CNTNAP2: variants seen among roughly 807,000 people sequenced by gnomAD.
CNTNAP2 encodes the protein contactin associated protein 2, also known as contactin-associated protein-like 2.
In CNTNAP2, 98 loss-of-function variants were observed where a neutral mutation model predicts 155.2. The observed-to-expected ratio is 0.63, with a 90% CI of 0.54 to 0.75. The LOEUF is 0.75. Among genes scored for constraint, CNTNAP2 ranks in the 30% least tolerant of loss-of-function variants. CNTNAP2 has a pLI of 0.00. For synonymous variants in CNTNAP2, 651 were observed against 631.2 expected, an observed-to-expected ratio of 1.03 and a Z score of -0.47; for missense variants, 1,727 against 1,688.1, an observed-to-expected ratio of 1.02 and a Z score of -0.40.
intron 1 of CNTNAP2, among the ~76,000 whole-genome samples, chr7:146,535,990 A>G (rs1001937665): frequency 1.3e-5 from 2 of 152,140 alleles, no homozygotes; most frequent in Non-Finnish European, 2.9e-5. Flanking sequence ...AATTTTCTTC[A>G]TCAGGAACTT....
intron 7 of CNTNAP2, 49 bp downstream of exon 7, chr7:147,128,885 AT>A (rs767022419): frequency 1.2e-6 from 2 of 1,611,842 alleles, no homozygotes; most frequent in South Asian, 2.2e-5. Flanking sequence ...ATCAAGTAAC[AT>A]TTTTGTTTTT....
chr7:146,177,883 G>C (rs551301898), intron 1 of CNTNAP2, among the ~76,000 whole-genome samples: 2 of 151,956 alleles, frequency 1.3e-5, no homozygotes, highest in South Asian at 4.1e-4. Flanking sequence ...ATAAATTTTA[G>C]AAGCCTCCAA....
At chr7:146,572,005 C>T (rs1049032319) in intron 1 of CNTNAP2, among the ~76,000 whole-genome samples, 1 of 152,198 alleles carries the variant, frequency 6.6e-6, no homozygotes, top group African/African-American at 2.4e-5. Context: ...AGGTGTGAGC[C>T]ACCGCACCTG....
intron 1 of CNTNAP2, among the ~76,000 whole-genome samples, chr7:146,711,121 G>A (rs956993969): frequency 6.7e-6 from 1 of 149,962 alleles, no homozygotes; most frequent in African/African-American, 2.4e-5. Context: ...CACACACACA[G>A]ACACACACAC....
chr7:148,229,563 C>G, intron 19 of CNTNAP2, 83 bp from the exon 20 acceptor site: 1 of 1,494,976 alleles, frequency 6.7e-7, no homozygotes, highest in Non-Finnish European at 9.3e-7. Context: ...AAGAAAGAAT[C>G]TAAGAGCAGG....
At chr7:146,297,746 A>C (rs148170204) in intron 1 of CNTNAP2, among the ~76,000 whole-genome samples, 1 of 152,162 alleles carries the variant, frequency 6.6e-6, no homozygotes, top group Admixed American at 6.5e-5. Flanking sequence ...TTGTAGTGCT[A>C]TACTCATAAG....
At chr7:148,278,108 T>C (rs1176074862) in intron 21 of CNTNAP2, among the ~76,000 whole-genome samples, 1 of 152,112 alleles carries the variant, frequency 6.6e-6, no homozygotes, top group Non-Finnish European at 1.5e-5. Flanking sequence ...AAATCCATAG[T>C]CGAGGAGAAG....
chr7:147,993,291 G>T (rs1049199705), intron 15 of CNTNAP2, among the ~76,000 whole-genome samples: 2 of 152,272 alleles, frequency 1.3e-5, no homozygotes, highest in African/African-American at 4.8e-5. Context: ...GAACATTAGA[G>T]CCAAGAAGAT....
chr7:146,221,277 T>C (rs1799204499), intron 1 of CNTNAP2, among the ~76,000 whole-genome samples: 2 of 152,218 alleles, frequency 1.3e-5, no homozygotes, highest in Admixed American at 1.3e-4. Flanking sequence ...TACTGAAGGC[T>C]ATATATGCAA....
At chr7:146,876,309 CA>C (rs1795427419) in intron 3 of CNTNAP2, among the ~76,000 whole-genome samples, 1 of 152,078 alleles carries the variant, frequency 6.6e-6, no homozygotes, top group South Asian at 2.1e-4. Flanking sequence ...TCCCCCAGGG[CA>C]TGTTCTTTTT....
intron 15 of CNTNAP2, among the ~76,000 whole-genome samples, chr7:148,042,726 T>A (rs1802702515): frequency 6.6e-6 from 1 of 152,238 alleles, no homozygotes; most frequent in Non-Finnish European, 1.5e-5. Flanking sequence ...TTCCAGGCTG[T>A]TCGCTGTTTA....
intron 13 of CNTNAP2, among the ~76,000 whole-genome samples, chr7:147,868,947 C>T (rs754556112): frequency 3.9e-5 from 6 of 152,218 alleles, no homozygotes; most frequent in Non-Finnish European, 8.8e-5. Context: ...CAACGCCTGC[C>T]CTACTTCAGC....
chr7:146,868,838 A>G (rs1443029865), intron 3 of CNTNAP2, among the ~76,000 whole-genome samples: 1 of 152,032 alleles, frequency 6.6e-6, no homozygotes, highest in Non-Finnish European at 1.5e-5. Flanking sequence ...GTACCCAGAA[A>G]TGCTAATAAT....
chr7:146,887,686 A>T (rs1795694960), intron 3 of CNTNAP2, among the ~76,000 whole-genome samples: 2 of 152,130 alleles, frequency 1.3e-5, no homozygotes, highest in Non-Finnish European at 2.9e-5. Context: ...CCTTGTCAAA[A>T]CAAACAAAAG....
At chr7:147,378,105 C>A (rs1278053360) in intron 9 of CNTNAP2, 2 of 455,474 alleles carry the variant, frequency 4.4e-6, no homozygotes, top group Non-Finnish European at 8.9e-6. Context: ...TTGCACCAAC[C>A]TAATACGTTA....
intron 1 of CNTNAP2, among the ~76,000 whole-genome samples, chr7:146,725,807 T>A (rs932055187): frequency 2.6e-5 from 4 of 152,086 alleles, no homozygotes; most frequent in Admixed American, 2.6e-4. Context: ...CCCCAACCAA[T>A]TAGCAAGCTC....
Position 148,415,978 on chromosome 7 carries a change from T to C in CNTNAP2, c.*362T>C. ...AAGTTTTCTACGTTTTTAAGAGCCCTTAGAACGTGGGTATTTTTTTTCTTG... is the reference window on the plus strand; with the variant it reads ...AAGTTTTCTACGTTTTTAAGAGCCCCTAGAACGTGGGTATTTTTTTTCTTG... On this transcript the variant is annotated 3_prime_UTR_variant, in exon 24 of 24. Coordinates refer to ENST00000361727, the MANE Select transcript of CNTNAP2 (RefSeq NM_014141.6). The C allele has an allele frequency of 3.6e-6, 1 of 275,272 alleles. No homozygotes were observed. The highest frequency in any genetic ancestry group is 6.8e-6 in the Non-Finnish European group (1 of 146,664). The allele number at this position is 275,272 out of a possible 1,614,324, so 17.1% of individuals were successfully genotyped here. A position where few individuals can be genotyped will look rare whatever the true frequency, so the allele number is the denominator to read the frequency against.
At chr7:146,274,875 AG>A (rs1377616542) in intron 1 of CNTNAP2, among the ~76,000 whole-genome samples, 1 of 152,122 alleles carries the variant, frequency 6.6e-6, no homozygotes, top group South Asian at 2.1e-4. Flanking sequence ...TTTTATTTTT[AG>A]TTTTTATCTC....
chr7:146,903,705 C>A (rs184468332), intron 3 of CNTNAP2, among the ~76,000 whole-genome samples: 1 of 152,222 alleles, frequency 6.6e-6, no homozygotes, highest in East Asian at 1.9e-4. Context: ...CACCAGAGGC[C>A]TGCAGAGAGA....
Sources: gnomAD v4.1 joint callset for allele counts (sites outside exome capture counted in the v4.1 genomes callset) on GRCh38, gnomAD v4.1.1 for gene constraint, MANE v1.5 for transcripts, NCBI Gene and HGNC (gene_info 2026-07-23, HGNC 2026-07-21) for gene names.